The following SCLY variants were observed in gnomAD, a reference collection of about 807,000 sequenced individuals.
The protein encoded by SCLY is putative selenocysteine lyase.
In SCLY, 38 loss-of-function variants were observed where a neutral mutation model predicts 50.1. The observed-to-expected ratio is 0.76, with a 90% CI of 0.59 to 0.99. The LOEUF is 0.99. SCLY is among the 50% of genes least tolerant of loss of function. The pLI is 0.00. For missense variants in SCLY, 600 were observed against 620.0 expected (o/e 0.97, Z 0.34); for synonymous variants, 243 against 249.4 (o/e 0.97, Z 0.24).
At chr2:238,096,693 G>T in intron 10 of SCLY, 108 bp from the exon 11 acceptor site, 1 of 1,196,140 alleles carries the variant, frequency 8.4e-7, no homozygotes, top group Non-Finnish European at 1.2e-6. Flanking sequence ...ATTCCACCAG[G>T]TGGCACAGAG....
intron 7 of SCLY, 44 bp from the exon 8 acceptor site, chr2:238,091,174 C>T: frequency 1.3e-6 from 2 of 1,534,670 alleles, no homozygotes; most frequent in Admixed American, 1.7e-5. Flanking sequence ...GGATTCCTTC[C>T]TGAGACATTT....
Position 238,098,607 on chromosome 2 carries a change from G to GACCGCCCACATGGGAACGCCCACATAGA in SCLY, c.*267_*268insACGCCCACATAGAACCGCCCACATGGGA, listed in dbSNP as rs1559254552. 146 of 372,404 alleles carry GACCGCCCACATGGGAACGCCCACATAGA rather than the reference G, an allele frequency of 3.9e-4. 7 individuals are homozygous for GACCGCCCACATGGGAACGCCCACATAGA. The highest frequency in any genetic ancestry group is 5.6e-4 in the Non-Finnish European group (121 of 217,922). 23.1% of individuals were successfully genotyped at this position (372,404 alleles called of 1,614,324 possible). ...CGCCCACATAGGACCGCCCACATAGGACCGCCCACATGGGACCGCCCACAT... is the reference window on the plus strand; with the variant it reads ...CGCCCACATAGGACCGCCCACATAGGACCGCCCACATGGGAACGCCCACATAGAACCGCCCACATGGGACCGCCCACAT... On this transcript the variant is annotated 3_prime_UTR_variant, in exon 12 of 12. Transcript: ENST00000254663.
At position 238,098,822 on chromosome 2, in the gene SCLY, A is replaced by T; in HGVS notation, c.*467A>T. ...TCATTGTCAGCCAAATGCTATCATG[A>T]ACGTAGGAAACTTGATTTTTTTGTT... On this transcript the variant is annotated 3_prime_UTR_variant, in exon 12 of 12. Transcript: ENST00000254663. 1 of 321,894 alleles carries T rather than the reference A, an allele frequency of 3.1e-6. No homozygotes were observed. Among genetic ancestry groups the T allele is most frequent in the South Asian group, 1.4e-4 (1 of 7,300 alleles). 19.9% of individuals were successfully genotyped at this position (321,894 alleles called of 1,614,324 possible).
At position 238,098,356 on chromosome 2, in the gene SCLY, C is replaced by T. The variant is rs1326591977; in HGVS notation, c.*1C>T. On this transcript the variant is annotated 3_prime_UTR_variant, in exon 12 of 12. Coordinates refer to ENST00000254663, the MANE Select transcript of SCLY (RefSeq NM_016510.7). ...GGCGCAGCTGGAGGACCAGGCCTAGCACTGGGGCCGCCTTCCCCACCCCGC... is the reference window on the plus strand; with the variant it reads ...GGCGCAGCTGGAGGACCAGGCCTAGTACTGGGGCCGCCTTCCCCACCCCGC... The T allele has an allele frequency of 6.3e-7, 1 of 1,588,588 alleles. No homozygotes were observed. Among genetic ancestry groups the T allele is most frequent in the Non-Finnish European group, 8.5e-7 (1 of 1,170,270 alleles).
chr2:238,093,847 G>A lies in SCLY; in HGVS notation c.922-14G>A, dbSNP rs2065395385. ...CAAGAATTGTGCATCCACTTGTTGT[G>A]TGTCTGCCCCCAGGCCGCGGAGCTG... On this transcript the variant is annotated splice_polypyrimidine_tract_variant and intron_variant, in intron 8 of 11. Transcript: ENST00000254663. The A allele has an allele frequency of 1.2e-6, 2 of 1,611,172 alleles. No homozygotes were observed. Among genetic ancestry groups the A allele is most frequent in the African/African-American group, 1.3e-5 (1 of 74,854 alleles).
At position 238,096,784 on chromosome 2, in the gene SCLY, G is replaced by C; in HGVS notation, c.1109-17G>C. ...GGCTGGAGCCCCATCTCAGGGGCAT[G>C]TGCTCTGTCTCCGCAGGCCACGTGG... On this transcript the variant is annotated splice_polypyrimidine_tract_variant and intron_variant, in intron 10 of 11. Coordinates refer to ENST00000254663, the MANE Select transcript of SCLY (RefSeq NM_016510.7). 1 of 1,602,822 alleles carries C rather than the reference G, an allele frequency of 6.2e-7. No homozygotes were observed.
intron 4 of SCLY, among the ~76,000 whole-genome samples, chr2:238,071,874 G>A (rs1167950354): frequency 2.0e-5 from 3 of 152,044 alleles, no homozygotes; most frequent in Non-Finnish European, 4.4e-5. Flanking sequence ...CTTGTATATC[G>A]GCTTTAATGA....
chr2:238,063,179 G>T (rs1266136584), intron 1 of SCLY, among the ~76,000 whole-genome samples: 1 of 152,142 alleles, frequency 6.6e-6, no homozygotes, highest in Non-Finnish European at 1.5e-5. Context: ...AGAAAGGAAG[G>T]CGGGAAGGGG....
At position 238,081,705 on chromosome 2, in the gene SCLY, C is replaced by T; in HGVS notation, c.485-4C>T. On this transcript the variant is annotated splice_region_variant and splice_polypyrimidine_tract_variant and intron_variant, in intron 4 of 11. Transcript: ENST00000254663. The stretch of plus-strand genomic sequence containing the variant: ...TCAGTTCGGTACTCATGTTTGTTTC[C>T]CAGCGGTCACCTTTGTCCCGGTGTC... 6.2e-7 allele frequency: 1 copy of T among 1,612,512 alleles called. No individual in the cohort carries two copies.
In SCLY at chr2:238,081,517, G is replaced by A. The variant is rs1393292981; in HGVS notation, c.485-192G>A. ...CTGACTGCAGCCGCGTTAAAGACACGTTCACACTGAAGCACCTGACAGTGA... is the reference window on the plus strand; with the variant it reads ...CTGACTGCAGCCGCGTTAAAGACACATTCACACTGAAGCACCTGACAGTGA... On this transcript the variant is annotated intron_variant, in intron 4 of 11. Transcript: ENST00000254663. The A allele has an allele frequency of 3.3e-5, 22 of 671,892 alleles. No homozygotes were observed. In the Admixed American group the frequency reaches 3.5e-4, roughly 11 times the overall value. 41.6% of individuals were successfully genotyped at this position (671,892 alleles called of 1,614,324 possible).
chr2:238,076,835 G>T (rs1281932603), intron 4 of SCLY, among the ~76,000 whole-genome samples: 1 of 151,568 alleles, frequency 6.6e-6, no homozygotes. Flanking sequence ...AAAATACTTT[G>T]ATTTAAATTC....
intron 7 of SCLY, among the ~76,000 whole-genome samples, chr2:238,087,473 A>T (rs1306889105): frequency 6.6e-6 from 1 of 152,240 alleles, no homozygotes; most frequent in Non-Finnish European, 1.5e-5. Context: ...AGATCATTTG[A>T]ATAGCTCTAT....
intron 10 of SCLY, chr2:238,094,762 G>A: frequency 2.1e-6 from 1 of 484,378 alleles, no homozygotes; most frequent in Non-Finnish European, 3.6e-6. Flanking sequence ...CTGGGATGTG[G>A]ACTGTGGCAA....
rs749350874 is a variant in SCLY, at chr2:238,066,501, C to T, written c.203-1564C>T. Among the ~76,000 whole-genome samples, 13 of 152,230 alleles carry T rather than the reference C, an allele frequency of 8.5e-5. No individual in the cohort carries two copies. Among genetic ancestry groups the T allele is most frequent in the South Asian group, 2.1e-4 (1 of 4,816 alleles). Reference sequence around the variant, plus strand: ...GGTGCCCAAAATGTATTTGGGTTTTCGAGGCATTACTTTGTCCACTATGTG... The same window carrying T: ...GGTGCCCAAAATGTATTTGGGTTTTTGAGGCATTACTTTGTCCACTATGTG... On this transcript the variant is annotated intron_variant, in intron 2 of 11. Transcript: ENST00000254663. The surrounding 1 kb of genome is among the most constrained non-coding windows in gnomAD (Gnocchi z 4.1).
chr2:238,063,175 G>A (rs2065033836), intron 1 of SCLY, among the ~76,000 whole-genome samples: 1 of 152,112 alleles, frequency 6.6e-6, no homozygotes, highest in African/African-American at 2.4e-5. Context: ...GCCCAGAAAG[G>A]AAGGCGGGAA....
At chr2:238,090,758 C>G (rs1362103260) in intron 7 of SCLY, among the ~76,000 whole-genome samples, 2 of 152,038 alleles carry the variant, frequency 1.3e-5, no homozygotes, top group African/African-American at 2.4e-5. Context: ...GTCTCTTGCC[C>G]ATCTCCTGTG....
intron 4 of SCLY, among the ~76,000 whole-genome samples, chr2:238,077,345 A>T (rs1199264532): frequency 6.6e-6 from 1 of 152,124 alleles, no homozygotes. Context: ...ATCTTTTTCC[A>T]TCCTTTTACT....
chr2:238,094,678 G>A (rs1326513173), intron 10 of SCLY, 156 bp downstream of exon 10: 1 of 645,766 alleles, frequency 1.5e-6, no homozygotes, highest in Non-Finnish European at 2.7e-6. Flanking sequence ...AGCAGGCTCG[G>A]GTGGCTGTGC....
At chr2:238,094,275 C>A in intron 9 of SCLY, 145 bp from the exon 10 acceptor site, 2 of 718,106 alleles carry the variant, frequency 2.8e-6, no homozygotes, top group South Asian at 1.8e-5. Context: ...TTTCCATAGT[C>A]CGTCCCCGTA....
Sources: allele counts gnomAD v4.1 joint callset (sites outside exome capture counted in the v4.1 genomes callset), GRCh38; gene constraint gnomAD v4.1.1; non-coding constraint Gnocchi (gnomAD v3.1); transcripts MANE v1.5; gene names NCBI Gene and HGNC (gene_info 2026-07-23, HGNC 2026-07-21).